CTDP1: variants seen among roughly 807,000 people sequenced by gnomAD.
CTDP1 encodes the protein RNA polymerase II subunit A C-terminal domain phosphatase.
Under a neutral mutation model 91.8 loss-of-function variants are expected in CTDP1, and 47 were observed. That is an observed-to-expected ratio of 0.51 (90% CI 0.41 to 0.65). The LOEUF (loss-of-function observed/expected upper bound fraction) is 0.65. Among genes scored for constraint, CTDP1 ranks in the 30% least tolerant of loss-of-function variants. CTDP1 has a pLI of 0.00. For missense variants in CTDP1, 1,272 were observed against 1,373.7 expected (o/e 0.93, Z 1.17); for synonymous variants, 656 against 598.5 (o/e 1.10, Z -1.40).
intron 10 of CTDP1, among the ~76,000 whole-genome samples, chr18:79,727,493 C>T (rs1206975806): frequency 2.0e-5 from 3 of 152,020 alleles, no homozygotes; most frequent in Non-Finnish European, 2.9e-5. Context: ...GGGTGGGAAG[C>T]GTGGCGTTTG....
intron 12 of CTDP1, among the ~76,000 whole-genome samples, chr18:79,751,664 G>A (rs1044850567): frequency 1.4e-4 from 22 of 152,152 alleles, no homozygotes; most frequent in African/African-American, 2.2e-4. Context: ...GTGTATATTA[G>A]CCTCGAGTGC....
At chr18:79,719,055 A>G (rs2086279285) in intron 10 of CTDP1, among the ~76,000 whole-genome samples, 1 of 152,200 alleles carries the variant, frequency 6.6e-6, no homozygotes, top group Non-Finnish European at 1.5e-5. Flanking sequence ...GCCTTCGCAC[A>G]GTGGGTGGCA....
At chr18:79,750,339 A>C (rs1235626722) in intron 12 of CTDP1, among the ~76,000 whole-genome samples, 3 of 151,964 alleles carry the variant, frequency 2.0e-5, no homozygotes, top group Non-Finnish European at 4.4e-5. Context: ...GCATGCACCG[A>C]CACTCCCAGC....
At position 79,696,086 on chromosome 18, in the gene CTDP1, G is replaced by A; in HGVS notation, c.492+16G>A. The A allele has an allele frequency of 1.2e-6, 2 of 1,607,238 alleles. No individual in the cohort carries two copies. Among genetic ancestry groups the A allele is most frequent in the Non-Finnish European group, 1.7e-6 (2 of 1,178,596 alleles). On this transcript the variant is annotated intron_variant, in intron 3 of 12. Coordinates refer to ENST00000613122, the MANE Select transcript of CTDP1 (RefSeq NM_004715.5). ...GAGCTCCGAGGTGAGCCGGGCATCA[G>A]TGGCGGCGTGTTGGGGAAGCGTGGT...
chr18:79,749,503 C>CCACGCACT (rs1256111781), intron 12 of CTDP1, among the ~76,000 whole-genome samples: 2 of 151,434 alleles, frequency 1.3e-5, no homozygotes, highest in African/African-American at 2.4e-5. Context: ...GAGGGTCGCG[C>CCACGCACT]CCCGTGCACA....
chr18:79,682,533 C>T (rs571398477), intron 1 of CTDP1, among the ~76,000 whole-genome samples: 11 of 152,354 alleles, frequency 7.2e-5, no homozygotes, highest in African/African-American at 2.6e-4. Context: ...TTACAGCTAA[C>T]CCTCGAACAA....
intron 1 of CTDP1, chr18:79,680,816 G>A (rs62097686): frequency 0.069 from 10,513 of 152,442 alleles, 495 homozygotes; most frequent in Non-Finnish European, 0.1. Flanking sequence ...CTGCTTCAGG[G>A]TGACGTGGGC....
At chr18:79,715,820 A>C (rs2086195912) in intron 8 of CTDP1, among the ~76,000 whole-genome samples, 3 of 152,222 alleles carry the variant, frequency 2.0e-5, no homozygotes, top group Non-Finnish European at 2.9e-5. Context: ...ACAGGGAATC[A>C]GCGATAGGGA....
intron 12 of CTDP1, chr18:79,749,799 G>A (rs1209474567): frequency 6.6e-6 from 1 of 152,286 alleles, no homozygotes; most frequent in Non-Finnish European, 1.5e-5. Context: ...TCAAAACGGA[G>A]TGAGGTGGAG....
intron 10 of CTDP1, among the ~76,000 whole-genome samples, chr18:79,721,130 G>A (rs543436269): frequency 6.6e-6 from 1 of 152,304 alleles, no homozygotes; most frequent in Admixed American, 6.5e-5. Context: ...CTCCTGCGAA[G>A]CCTCCTACCC....
chr18:79,751,435 G>T (rs2086998455), intron 12 of CTDP1, among the ~76,000 whole-genome samples: 6 of 152,172 alleles, frequency 3.9e-5, no homozygotes, highest in Admixed American at 3.9e-4. Context: ...TGGGGCCCTT[G>T]TGTTTCTCTC....
At chr18:79,718,103 C>T in intron 10 of CTDP1, 87 bp downstream of exon 10, 1 of 1,504,472 alleles carries the variant, frequency 6.6e-7, no homozygotes, top group Non-Finnish European at 9.1e-7. Flanking sequence ...GCGTCAGTTG[C>T]CCGAAGTGAG....
chr18:79,705,104 G>A (rs549297596), intron 5 of CTDP1, among the ~76,000 whole-genome samples, 187 bp downstream of exon 5: 1 of 152,312 alleles, frequency 6.6e-6, no homozygotes, highest in East Asian at 1.9e-4. Context: ...GTTGGGTGGG[G>A]CCGCGGCTGC....
intron 10 of CTDP1, among the ~76,000 whole-genome samples, chr18:79,722,043 C>T (rs550146514): frequency 1.3e-5 from 2 of 152,250 alleles, no homozygotes; most frequent in African/African-American, 2.4e-5. Context: ...AGGTTGGTCT[C>T]AAGCTCCTGT....
At chr18:79,683,517 C>T (rs1214936805) in intron 1 of CTDP1, among the ~76,000 whole-genome samples, 6 of 152,184 alleles carry the variant, frequency 3.9e-5, no homozygotes, top group Non-Finnish European at 7.4e-5. Context: ...ACAGGGACCT[C>T]CCAGCACCAA....
In CTDP1 at chr18:79,715,128, C is replaced by T. The variant is rs752851680; in HGVS notation, c.1668C>T (p.Thr556=). The change falls in exon 8 of 13, where the codon ACC becomes ACT. Residue 556 remains threonine, a synonymous_variant. Transcript: ENST00000613122. ...NGCADRKEAE[T]ESQNSELSGV... ...GTGCCGACAGGAAGGAGGCGGAGAC[C>T]GAGTCACAGAACAGCGAGCTGTCGG... The T allele has an allele frequency of 1.1e-4, 171 of 1,613,366 alleles. 1 individual carries two copies. The South Asian group carries it at 1.7e-3, about 16-fold the overall frequency.
intron 10 of CTDP1, among the ~76,000 whole-genome samples, chr18:79,721,447 TC>T (rs1267885579): frequency 6.6e-6 from 1 of 152,042 alleles, no homozygotes; most frequent in South Asian, 2.1e-4. Context: ...GTACTGTCAT[TC>T]TAATCAGTAG....
At chr18:79,699,955 G>A (rs186836328) in intron 4 of CTDP1, among the ~76,000 whole-genome samples, 2 of 152,220 alleles carry the variant, frequency 1.3e-5, no homozygotes, top group Non-Finnish European at 1.5e-5. Context: ...TGCTTCATCA[G>A]TGTTCTGTCA....
rs763118972 is a variant in CTDP1 at position 79,680,188 on chromosome 18, C to T, written c.241C>T (p.Arg81Cys). ...CTGCGTGCGCCCCGCGCGGCCGGAACGCAGGCTGAGGTCGGAGCGCGCGGG... is the reference window on the plus strand; with the variant it reads ...CTGCGTGCGCCCCGCGCGGCCGGAATGCAGGCTGAGGTCGGAGCGCGCGGG... ...GGCVRPARPE[R>C]RLRSERAGVV... The change falls in exon 1 of 13, where the codon CGC (arginine) becomes TGC (cysteine). Residue 81 changes from arginine to cysteine, a missense_variant. Physicochemically the swap from Arg to Cys is radical, Grantham distance 180 (BLOSUM62 -3). Transcript: ENST00000613122. The T allele has an allele frequency of 1.0e-5, 14 of 1,382,634 alleles. No homozygotes were observed. The highest frequency in any genetic ancestry group is 9.3e-7 in the Non-Finnish European group (1 of 1,074,316). 85.6% of individuals were successfully genotyped at this position (1,382,634 alleles called of 1,614,324 possible). A position where few individuals can be genotyped will look rare whatever the true frequency, so the allele number is the denominator to read the frequency against.
Sources: allele counts gnomAD v4.1 joint callset (sites outside exome capture counted in the v4.1 genomes callset), GRCh38; gene constraint gnomAD v4.1.1; transcripts MANE v1.5; gene names NCBI Gene and HGNC (gene_info 2026-07-23, HGNC 2026-07-21).